BBS5: variants seen among roughly 807,000 people sequenced by gnomAD.
BBS5 encodes BBSome complex member BBS5.
A neutral mutation model predicts 50.2 loss-of-function variants in BBS5; 39 were observed. That is an observed-to-expected ratio of 0.78 (90% CI 0.60 to 1.01). The LOEUF (loss-of-function observed/expected upper bound fraction) is 1.01, where lower values mean the gene tolerates loss of function less well. Ranked by LOEUF, BBS5 falls within the 50% of genes least tolerant of loss-of-function variation. The pLI is 0.00. For synonymous variants in BBS5, 134 were observed against 133.1 expected (o/e 1.01, Z -0.05); for missense variants, 356 against 401.5 (o/e 0.89, Z 0.97).
At chr2:169,491,619 C>T (rs1346867420) in intron 5 of BBS5, among the ~76,000 whole-genome samples, 1 of 152,026 alleles carries the variant, frequency 6.6e-6, no homozygotes, top group Non-Finnish European at 1.5e-5. Context: ...GGATTTAATT[C>T]TCTTTCCCTC....
At position 169,479,570 on chromosome 2, in the gene BBS5, C is replaced by G; in HGVS notation, c.17C>G (p.Ala6Gly). Residue 6 changes from alanine (A) to glycine (G), a missense_variant, in exon 1 of 12, where the codon GCG becomes GGG. Transcript: ENST00000295240. MSVLD[A>G]LWEDRDVRFD... is the part of the protein sequence containing the mutation. ...TTGTTCACCATGTCGGTGCTGGATGCGCTTTGGGAGGATCGGGATGTCCGT... is the reference window on the plus strand; with the variant it reads ...TTGTTCACCATGTCGGTGCTGGATGGGCTTTGGGAGGATCGGGATGTCCGT... The G allele has an allele frequency of 6.2e-7, 1 of 1,614,170 alleles. No homozygotes were observed. The highest frequency in any genetic ancestry group is 2.2e-5 in the East Asian group (1 of 44,872).
intron 2 of BBS5, among the ~76,000 whole-genome samples, chr2:169,484,515 G>T (rs777902624): frequency 7.4e-4 from 112 of 152,166 alleles, no homozygotes; most frequent in Non-Finnish European, 1.3e-3. Flanking sequence ...CTGCCTTCTA[G>T]CCATCTCCCT....
chr2:169,494,615 G>A (rs749996580), intron 7 of BBS5, among the ~76,000 whole-genome samples: 26 of 151,804 alleles, frequency 1.7e-4, no homozygotes, highest in Non-Finnish European at 3.5e-4. Flanking sequence ...AGACCAGTTT[G>A]TTTTGGGAAT....
chr2:169,499,643 TAA>T (rs761357831), intron 9 of BBS5, 23 bp downstream of exon 9: 10 of 1,612,044 alleles, frequency 6.2e-6, no homozygotes, highest in Non-Finnish European at 8.5e-6. Flanking sequence ...GTATGTGAAA[TAA>T]AGTTTGCATT....
chr2:169,503,564 A>G (rs1683847456), intron 10 of BBS5, among the ~76,000 whole-genome samples: 1 of 152,250 alleles, frequency 6.6e-6, no homozygotes, highest in Non-Finnish European at 1.5e-5. Flanking sequence ...TTAGGATTTT[A>G]GATATCTAAA....
intron 2 of BBS5, among the ~76,000 whole-genome samples, chr2:169,485,869 CCT>C (rs1169151438): frequency 9.2e-5 from 14 of 152,284 alleles, no homozygotes; most frequent in Admixed American, 2.6e-4. Flanking sequence ...CTGTGTCTCT[CCT>C]CTCAAAGCAG....
At chr2:169,485,216 CA>C (rs1278163999) in intron 2 of BBS5, among the ~76,000 whole-genome samples, 1 of 151,734 alleles carries the variant, frequency 6.6e-6, no homozygotes, top group Non-Finnish European at 1.5e-5. Flanking sequence ...ATATAAAAAC[CA>C]AAAAAAGTTA....
At chr2:169,491,259 T>G (rs1283479139) in intron 5 of BBS5, among the ~76,000 whole-genome samples, 1 of 152,242 alleles carries the variant, frequency 6.6e-6, no homozygotes, top group African/African-American at 2.4e-5. Flanking sequence ...GAACAGAAGC[T>G]GCTTTTCTTT....
chr2:169,492,743 A>G (rs1013008134), intron 5 of BBS5, 131 bp from the exon 6 acceptor site: 1 of 874,410 alleles, frequency 1.1e-6, no homozygotes, highest in African/African-American at 1.7e-5. Flanking sequence ...AGAAATAAAA[A>G]TATTAAAATG....
Position 169,504,504 on chromosome 2 carries a change from T to C in BBS5, c.948T>C (p.Phe316=), listed in dbSNP as rs1683865574. ...GNKQQDREPV[F]SEELGLAIEK... The stretch of plus-strand genomic sequence containing the variant: ...AGCAACAAGATCGTGAACCTGTATT[T>C]TCAGAAGAACTGGGGCTTGCAATAG... Residue 316 remains phenylalanine (F), a synonymous_variant, in exon 12 of 12, where the codon TTT becomes TTC. Transcript: ENST00000295240. 6.2e-7 allele frequency: 1 copy of C among 1,613,942 alleles called. No individual in the cohort carries two copies. The highest frequency in any genetic ancestry group is 1.3e-5 in the African/African-American group (1 of 74,892).
rs546282224 is a variant in BBS5 at position 169,498,772 on chromosome 2, A to C, written c.682-714A>C. On this transcript the variant is annotated intron_variant, in intron 8 of 11. Transcript: ENST00000295240. ...CAGTGAGCCGAGATCGCGCCGCTGC[A>C]CTCCAGCCTGGCCGACAGAGCGAGA... Among the ~76,000 whole-genome samples the C allele has an allele frequency of 6.1e-4, 91 of 148,338 alleles. 3 individuals carry two copies. The South Asian group carries it at 0.013, about 22-fold the overall frequency.
intron 8 of BBS5, among the ~76,000 whole-genome samples, chr2:169,498,134 G>A (rs2105300661): frequency 6.6e-6 from 1 of 152,242 alleles, no homozygotes; most frequent in South Asian, 2.1e-4. Flanking sequence ...CTGTCTTTGA[G>A]AAACACAAAC....
rs577688589 is a variant in BBS5, at chr2:169,480,670, CTTTTTTTTTTTTTTTT to C, written c.59+1071_59+1086del. On this transcript the variant is annotated intron_variant, in intron 1 of 11. Transcript: ENST00000295240. ...ACTTTCTATGACATTTTCTGTCATTCTTTTTTTTTTTTTTTTTTTTTTTTTTTTGAGACAGAGTTTC... is the reference window on the plus strand; with the variant it reads ...ACTTTCTATGACATTTTCTGTCATTCTTTTTTTTTTTTGAGACAGAGTTTC... 9.6e-5 allele frequency among the ~76,000 whole-genome samples: 7 copies of C among 73,168 alleles called. No individual in the cohort carries two copies. In the East Asian group the frequency reaches 3.2e-3, roughly 34 times the overall value. 48.0% of individuals were successfully genotyped at this position (73,168 alleles called of 152,430 possible).
rs1440415507 is a variant in BBS5, at chr2:169,504,543, T to C, written c.987T>C (p.Asp329=). ...GGCTTGCAATAGAGAAATTGAAGGA[T>C]GGATTCACCCTACAGGGACTTTGGG... is the stretch of plus-strand genomic sequence containing the variant. The part of the protein sequence containing the change: ...ELGLAIEKLK[D]GFTLQGLWEV... Residue 329 remains aspartate, a synonymous_variant, in exon 12 of 12, where the codon GAT becomes GAC. Transcript: ENST00000295240. The C allele has an allele frequency of 3.1e-6, 5 of 1,613,998 alleles. No individual in the cohort carries two copies. Among genetic ancestry groups the C allele is most frequent in the Non-Finnish European group, 4.2e-6 (5 of 1,179,898 alleles).
chr2:169,497,874 T>A (rs538641209), intron 8 of BBS5, among the ~76,000 whole-genome samples, 185 bp downstream of exon 8: 2 of 152,340 alleles, frequency 1.3e-5, no homozygotes, highest in African/African-American at 4.8e-5. Flanking sequence ...CTGCTTATAT[T>A]TTTTTGTTGG....
At chr2:169,501,057 T>C (rs1185387507) in intron 9 of BBS5, among the ~76,000 whole-genome samples, 1 of 152,214 alleles carries the variant, frequency 6.6e-6, no homozygotes, top group African/African-American at 2.4e-5. Flanking sequence ...TTCAGATTTA[T>C]CTTAGTAATT....
chr2:169,492,257 C>T (rs1266327615), intron 5 of BBS5, among the ~76,000 whole-genome samples: 3 of 150,992 alleles, frequency 2.0e-5, no homozygotes, highest in Admixed American at 6.6e-5. Flanking sequence ...TTTGGGAGGC[C>T]GAGGCGGGCA....
Position 169,505,085 on chromosome 2 carries a change from C to A in BBS5, c.*503C>A. 5 of 1,210,346 alleles carry A rather than the reference C, an allele frequency of 4.1e-6. No individual in the cohort carries two copies. Among genetic ancestry groups the A allele is most frequent in the Non-Finnish European group, 6.0e-6 (5 of 830,692 alleles). The allele number at this position is 1,210,346 out of a possible 1,614,324, so 75.0% of individuals were successfully genotyped here. A position where few individuals can be genotyped will look rare whatever the true frequency, so the allele number is the denominator to read the frequency against. ...TTCTCCTGCCTCAGCCTGCCGAGTG[C>A]CTGCGATTACAGGCGCGCGCCGCCA... On this transcript the variant is annotated 3_prime_UTR_variant, in exon 12 of 12. Coordinates refer to ENST00000295240, the MANE Select transcript of BBS5 (RefSeq NM_152384.3).
intron 2 of BBS5, among the ~76,000 whole-genome samples, chr2:169,486,260 T>C (rs1683487217): frequency 6.6e-6 from 1 of 152,236 alleles, no homozygotes; most frequent in Admixed American, 6.5e-5. Context: ...ATAAAAATAA[T>C]TTTATGATTG....
Sources: allele counts gnomAD v4.1 joint callset (sites outside exome capture counted in the v4.1 genomes callset), GRCh38; gene constraint gnomAD v4.1.1; transcripts MANE v1.5; gene names NCBI Gene and HGNC (gene_info 2026-07-23, HGNC 2026-07-21).